LRRTM4: variants seen among roughly 807,000 people sequenced by gnomAD.
The protein encoded by LRRTM4 is leucine rich repeat transmembrane neuronal 4.
In LRRTM4, 25 loss-of-function variants were observed where a neutral mutation model predicts 47.6. The observed-to-expected ratio is 0.53, with a 90% CI of 0.38 to 0.73. The LOEUF (loss-of-function observed/expected upper bound fraction) is 0.73, where lower values mean the gene tolerates loss of function less well. Among genes scored for constraint, LRRTM4 ranks in the 30% least tolerant of loss-of-function variants. The pLI, the probability that LRRTM4 is intolerant of heterozygous loss-of-function variation, is 0.00. For missense variants in LRRTM4, 638 were observed against 713.4 expected, an observed-to-expected ratio of 0.89 and a Z score of 1.20; for synonymous variants, 311 against 269.5, an observed-to-expected ratio of 1.15 and a Z score of -1.51.
At chr2:77,210,842 C>T (rs1573081746) in intron 3 of LRRTM4, among the ~76,000 whole-genome samples, 1 of 152,120 alleles carries the variant, frequency 6.6e-6, no homozygotes, top group African/African-American at 2.4e-5. Flanking sequence ...TCTGTAGCTG[C>T]AAGAGAGACA....
chr2:76,923,047 G>A (rs559541935), intron 3 of LRRTM4, among the ~76,000 whole-genome samples: 49 of 152,168 alleles, frequency 3.2e-4, no homozygotes, highest in African/African-American at 1.1e-3. Flanking sequence ...GTCTTATTGG[G>A]AAGAATCACA....
chr2:77,371,665 T>C (rs1409681414), intron 3 of LRRTM4, among the ~76,000 whole-genome samples: 1 of 151,786 alleles, frequency 6.6e-6, no homozygotes, highest in African/African-American at 2.4e-5. Context: ...TCCTCCTTTC[T>C]GCTCTAAGTC....
chr2:77,463,020 G>C (rs1013043555), intron 3 of LRRTM4, among the ~76,000 whole-genome samples: 4 of 152,004 alleles, frequency 2.6e-5, no homozygotes, highest in African/African-American at 9.7e-5. Flanking sequence ...AGTAAATATA[G>C]TATGCCTTGA....
At chr2:76,795,002 GAA>G (rs1558657782) in intron 3 of LRRTM4, among the ~76,000 whole-genome samples, 1 of 151,614 alleles carries the variant, frequency 6.6e-6, no homozygotes, top group African/African-American at 2.4e-5. Flanking sequence ...AAGCTATAAA[GAA>G]AAATATTACC....
chr2:77,271,352 AG>A (rs1676185910), intron 3 of LRRTM4, among the ~76,000 whole-genome samples: 1 of 152,158 alleles, frequency 6.6e-6, no homozygotes, highest in Non-Finnish European at 1.5e-5. Flanking sequence ...GTGGAACTAA[AG>A]GAGCACTGTA....
intron 3 of LRRTM4, among the ~76,000 whole-genome samples, chr2:76,976,656 C>T (rs1374974519): frequency 6.6e-6 from 1 of 151,710 alleles, no homozygotes. Context: ...TCATCCATTT[C>T]TATGGCATTC....
At chr2:77,202,962 C>G (rs2103903468) in intron 3 of LRRTM4, among the ~76,000 whole-genome samples, 1 of 152,084 alleles carries the variant, frequency 6.6e-6, no homozygotes, top group Non-Finnish European at 1.5e-5. Flanking sequence ...CTTTGGAAGG[C>G]CCTCAGGTGA....
intron 3 of LRRTM4, among the ~76,000 whole-genome samples, chr2:77,390,427 T>C (rs143348326): frequency 6.0e-4 from 91 of 152,148 alleles, no homozygotes; most frequent in African/African-American, 2.1e-3. Flanking sequence ...TTACCAAAAG[T>C]ACTGAAACAC....
At chr2:76,847,880 A>G (rs1169028881) in intron 3 of LRRTM4, among the ~76,000 whole-genome samples, 1 of 152,146 alleles carries the variant, frequency 6.6e-6, no homozygotes, top group Non-Finnish European at 1.5e-5. Flanking sequence ...TCTTCCTTGC[A>G]TATACAAGTG....
chr2:76,843,908 CA>C (rs754210879), intron 3 of LRRTM4, among the ~76,000 whole-genome samples: 1 of 145,372 alleles, frequency 6.9e-6, no homozygotes. Flanking sequence ...TTTCTTTTTT[CA>C]TTTTTTTTTT....
intron 3 of LRRTM4, among the ~76,000 whole-genome samples, chr2:77,063,509 CT>C (rs1218816369): frequency 1.3e-5 from 2 of 151,996 alleles, no homozygotes; most frequent in East Asian, 1.9e-4. Context: ...AAAAATAGAG[CT>C]TTTTTTAATG....
intron 3 of LRRTM4, among the ~76,000 whole-genome samples, chr2:77,163,387 A>T (rs1672787080): frequency 6.6e-6 from 1 of 152,220 alleles, no homozygotes; most frequent in African/African-American, 2.4e-5. Context: ...AATGGAACCA[A>T]GTTGGAAAAC....
chr2:77,420,781 GTA>G (rs759857665), intron 3 of LRRTM4, among the ~76,000 whole-genome samples: 2 of 142,168 alleles, frequency 1.4e-5, no homozygotes, highest in African/African-American at 2.6e-5. Context: ...AAATGGGAAT[GTA>G]TATATATATA....
chr2:77,013,121 T>G (rs903935941), intron 3 of LRRTM4, among the ~76,000 whole-genome samples: 8 of 152,200 alleles, frequency 5.3e-5, no homozygotes, highest in Non-Finnish European at 1.0e-4. Flanking sequence ...AGCTTTCCCA[T>G]TGAGATAGAT....
In LRRTM4 at chr2:77,521,647, A is replaced by G. The variant is rs1287677139; in HGVS notation, c.4+21T>C. 7.4e-6 allele frequency: 12 copies of G among 1,612,294 alleles called. No individual in the cohort carries two copies. The African/African-American group carries it at 1.5e-4, about 20-fold the overall frequency. On this transcript the variant is annotated intron_variant, in intron 2 of 3. Transcript: ENST00000409884. Reference sequence around the variant, plus strand: ...AAGAGGATCAGCTTTGCTCAGAAGGAAACAACAAAAGTTCACTTACCCATC... The same window carrying G: ...AAGAGGATCAGCTTTGCTCAGAAGGGAACAACAAAAGTTCACTTACCCATC...
At chr2:77,330,689 T>C (rs1315759784) in intron 3 of LRRTM4, among the ~76,000 whole-genome samples, 1 of 152,196 alleles carries the variant, frequency 6.6e-6, no homozygotes, top group African/African-American at 2.4e-5. Context: ...AATTTAATCA[T>C]TGCTGTCTTC....
chr2:77,329,867 T>A (rs905793625), intron 3 of LRRTM4, among the ~76,000 whole-genome samples: 3 of 152,150 alleles, frequency 2.0e-5, no homozygotes, highest in Non-Finnish European at 4.4e-5. Context: ...ATGGCCAAAC[T>A]GACAACGGTG....
At chr2:76,960,146 A>T (rs970629754) in intron 3 of LRRTM4, among the ~76,000 whole-genome samples, 10 of 151,682 alleles carry the variant, frequency 6.6e-5, no homozygotes, top group African/African-American at 1.4e-4. Flanking sequence ...CAAACAGTAC[A>T]GAACTTATCA....
At chr2:76,833,434 A>G (rs1031470809) in intron 3 of LRRTM4, among the ~76,000 whole-genome samples, 2 of 152,170 alleles carry the variant, frequency 1.3e-5, no homozygotes, top group African/African-American at 2.4e-5. Flanking sequence ...AGATATAAAG[A>G]AAGTTAAAAA....
Sources: allele counts gnomAD v4.1 joint callset (sites outside exome capture counted in the v4.1 genomes callset), GRCh38; gene constraint gnomAD v4.1.1; transcripts MANE v1.5; gene names NCBI Gene and HGNC (gene_info 2026-07-23, HGNC 2026-07-21).